Variants in THSD7A observed in about 807,000 individuals in gnomAD.
THSD7A encodes thrombospondin type-1 domain-containing protein 7A.
A neutral mutation model predicts 231.3 loss-of-function variants in THSD7A; 96 were observed. That is an observed-to-expected ratio of 0.41 (90% CI 0.35 to 0.49). The LOEUF (loss-of-function observed/expected upper bound fraction) is 0.49. THSD7A is among the 20% of genes least tolerant of loss of function. The pLI is 0.05. For synonymous variants in THSD7A, 940 were observed against 743.3 expected, an observed-to-expected ratio of 1.26 and a Z score of -4.30; for missense variants, 2,290 against 2,070.2, an observed-to-expected ratio of 1.11 and a Z score of -2.06.
intron 6 of THSD7A, among the ~76,000 whole-genome samples, chr7:11,519,363 G>C (rs533562995): frequency 5.3e-4 from 80 of 152,192 alleles, no homozygotes; most frequent in African/African-American, 1.8e-3. Flanking sequence ...TGAAATTCAT[G>C]TGAATAAATT....
At chr7:11,548,113 C>A (rs983785032) in intron 4 of THSD7A, among the ~76,000 whole-genome samples, 2 of 151,944 alleles carry the variant, frequency 1.3e-5, no homozygotes, top group Non-Finnish European at 2.9e-5. Context: ...AGATTGCTAG[C>A]TAGACTAATA....
chr7:11,702,240 A>C (rs1423741327), intron 1 of THSD7A, among the ~76,000 whole-genome samples: 2 of 151,358 alleles, frequency 1.3e-5, no homozygotes, highest in East Asian at 3.9e-4. Context: ...CTCTCTGCTC[A>C]GGGTGTCACA....
chr7:11,471,217 C>A (rs932212924), intron 8 of THSD7A, among the ~76,000 whole-genome samples: 2 of 151,874 alleles, frequency 1.3e-5, no homozygotes, highest in African/African-American at 4.8e-5. Context: ...TAAATCCCTG[C>A]CATGTAAGCT....
At chr7:11,717,341 C>T (rs1781175018) in intron 1 of THSD7A, among the ~76,000 whole-genome samples, 1 of 151,660 alleles carries the variant, frequency 6.6e-6, no homozygotes, top group African/African-American at 2.4e-5. Context: ...TCTTGAGGAA[C>T]TTCCTCTGCT....
intron 1 of THSD7A, among the ~76,000 whole-genome samples, chr7:11,725,114 T>C (rs371833313): frequency 2.6e-5 from 4 of 151,936 alleles, no homozygotes; most frequent in African/African-American, 7.2e-5. Context: ...AAAAATAATA[T>C]ACATTTACAT....
rs761841418 is a variant in THSD7A, at chr7:11,546,202, G to GCGCGCGCGCACACACACA, written c.1454-3086_1454-3085insTGTGTGTGTGCGCGCGCG. On this transcript the variant is annotated intron_variant, in intron 4 of 27. Transcript: ENST00000423059. Reference sequence around the variant, plus strand: ...TCTGTTGTTGCTGGTGTGGGCGCGCGCTCACACACACACACACACACACAC... The same window carrying GCGCGCGCGCACACACACA: ...TCTGTTGTTGCTGGTGTGGGCGCGCGCGCGCGCGCACACACACACTCACACACACACACACACACACAC... Among the ~76,000 whole-genome samples the GCGCGCGCGCACACACACA allele has an allele frequency of 1.5e-3, 200 of 129,442 alleles. 2 individuals are homozygous for GCGCGCGCGCACACACACA. Among genetic ancestry groups the GCGCGCGCGCACACACACA allele is most frequent in the African/African-American group, 3.7e-3 (129 of 35,130 alleles). The allele number at this position is 129,442 out of a possible 152,430, so 84.9% of individuals were successfully genotyped here. A position where few individuals can be genotyped will look rare whatever the true frequency, so the allele number is the denominator to read the frequency against.
At chr7:11,551,934 G>C (rs934757880) in intron 4 of THSD7A, among the ~76,000 whole-genome samples, 1 of 151,968 alleles carries the variant, frequency 6.6e-6, no homozygotes, top group South Asian at 2.1e-4. Context: ...CAAAAACATG[G>C]AATCAACCTA....
intron 1 of THSD7A, among the ~76,000 whole-genome samples, chr7:11,699,661 T>A (rs766479183): frequency 9.9e-5 from 15 of 151,344 alleles, no homozygotes; most frequent in Admixed American, 2.0e-4. Context: ...AAATGTTGCA[T>A]ATACATTTTT....
intron 7 of THSD7A, among the ~76,000 whole-genome samples, chr7:11,476,066 A>G (rs1459013760): frequency 6.6e-6 from 1 of 151,812 alleles, no homozygotes; most frequent in Non-Finnish European, 1.5e-5. Context: ...AGGATCTACA[A>G]TACAGGTTCA....
intron 1 of THSD7A, among the ~76,000 whole-genome samples, chr7:11,826,456 G>C (rs1785029723): frequency 6.6e-6 from 1 of 152,090 alleles, no homozygotes; most frequent in Non-Finnish European, 1.5e-5. Context: ...TCAATTCATT[G>C]ACACTCTTAA....
chr7:11,650,289 G>A (rs924707316), intron 1 of THSD7A, among the ~76,000 whole-genome samples: 5 of 151,886 alleles, frequency 3.3e-5, no homozygotes, highest in African/African-American at 1.2e-4. Context: ...AATATAATGT[G>A]GACAACGTCT....
chr7:11,435,225 A>C (rs983612070), intron 13 of THSD7A, among the ~76,000 whole-genome samples: 3 of 152,082 alleles, frequency 2.0e-5, no homozygotes, highest in African/African-American at 7.2e-5. Context: ...CGTTTCTTAC[A>C]GCAAACTCTA....
At chr7:11,727,407 G>A (rs560356926) in intron 1 of THSD7A, among the ~76,000 whole-genome samples, 2 of 151,864 alleles carry the variant, frequency 1.3e-5, no homozygotes, top group Non-Finnish European at 2.9e-5. Context: ...ATCACAAAAT[G>A]ATAACACTCA....
intron 23 of THSD7A, among the ~76,000 whole-genome samples, chr7:11,394,569 T>TAAAC (rs1007426778): frequency 1.3e-5 from 2 of 152,172 alleles, no homozygotes; most frequent in Non-Finnish European, 2.9e-5. Flanking sequence ...GAATTTATCT[T>TAAAC]AAACAGGCTT....
At chr7:11,660,266 G>A (rs188712936) in intron 1 of THSD7A, among the ~76,000 whole-genome samples, 1 of 151,560 alleles carries the variant, frequency 6.6e-6, no homozygotes, top group African/African-American at 2.4e-5. Context: ...CTGCCCTTTT[G>A]CAGCATTCCA....
At chr7:11,808,955 A>G (rs1784462890) in intron 1 of THSD7A, among the ~76,000 whole-genome samples, 2 of 152,194 alleles carry the variant, frequency 1.3e-5, no homozygotes, top group South Asian at 4.1e-4. Context: ...AATACATACC[A>G]TTAAAATATA....
At chr7:11,671,469 G>A (rs1783390258) in intron 1 of THSD7A, among the ~76,000 whole-genome samples, 1 of 152,104 alleles carries the variant, frequency 6.6e-6, no homozygotes, top group East Asian at 1.9e-4. Context: ...TCCTCTTGCT[G>A]AGAAACATTC....
chr7:11,771,123 T>C (rs949613910), intron 1 of THSD7A, among the ~76,000 whole-genome samples: 1 of 150,934 alleles, frequency 6.6e-6, no homozygotes, highest in African/African-American at 2.4e-5. Flanking sequence ...TAAGAGATTT[T>C]TCATCATAAT....
intron 4 of THSD7A, among the ~76,000 whole-genome samples, chr7:11,586,619 T>C (rs2128339452): frequency 1.3e-5 from 2 of 152,332 alleles, no homozygotes; most frequent in South Asian, 4.1e-4. Context: ...TTTCTTTTCT[T>C]TTCTCTTTTT....
Sources: gnomAD v4.1 joint callset for allele counts (sites outside exome capture counted in the v4.1 genomes callset) on GRCh38, gnomAD v4.1.1 for gene constraint, MANE v1.5 for transcripts, NCBI Gene and HGNC (gene_info 2026-07-23, HGNC 2026-07-21) for gene names.